TBK1: variants seen among roughly 807,000 people sequenced by gnomAD.
TBK1 encodes serine/threonine-protein kinase TBK1.
Under a neutral mutation model 99.9 loss-of-function variants are expected in TBK1, and 37 were observed. The ratio of observed to expected loss-of-function variants is 0.37; its 90% CI spans 0.28 to 0.49. TBK1 has a LOEUF of 0.49. Among genes scored for constraint, TBK1 ranks in the 20% least tolerant of loss-of-function variants. The pLI is 0.98. For synonymous variants in TBK1, 258 were observed against 279.8 expected (o/e 0.92, Z 0.78); for missense variants, 644 against 872.5 (o/e 0.74, Z 3.30).
At chr12:64,465,242 C>CAAAAAAAAAAAAAAAAAAAAAA (rs57575805) in intron 4 of TBK1, among the ~76,000 whole-genome samples, 2 of 57,920 alleles carry the variant, frequency 3.5e-5, no homozygotes, top group Non-Finnish European at 5.8e-5. Flanking sequence ...AAGACTATCT[C>CAAAAAAAAAAAAAAAAAAAAAA]AAAAAAAAAA....
intron 4 of TBK1, among the ~76,000 whole-genome samples, 183 bp from the exon 5 acceptor site, chr12:64,466,718 T>G (rs2136063265): frequency 6.6e-6 from 1 of 151,198 alleles, no homozygotes; most frequent in South Asian, 2.1e-4. Flanking sequence ...AAACTTCTTA[T>G]AACTAAAACA....
In TBK1 at chr12:64,464,333, GACA is replaced by G. The variant is rs748007618; in HGVS notation, c.236_238del (p.Thr79del). 5 of 1,519,528 alleles carry G rather than the reference GACA, an allele frequency of 3.3e-6. No individual in the cohort carries two copies. The highest frequency in any genetic ancestry group is 3.5e-6 in the Non-Finnish European group (4 of 1,134,936). The allele number at this position is 1,519,528 out of a possible 1,614,324, so 94.1% of individuals were successfully genotyped here. On this transcript the variant is annotated inframe_deletion and splice_region_variant, in exon 4 of 21. Transcript: ENST00000331710. ...TCCCAATCAATGATTTTTTTTTTCA[GACA>G]ACAACAAGACATAAAGTACTTATTA...
intron 4 of TBK1, 76 bp downstream of exon 4, chr12:64,464,539 C>A: frequency 8.2e-7 from 1 of 1,214,208 alleles, no homozygotes; most frequent in Non-Finnish European, 1.1e-6. Context: ...ATCTTCCATT[C>A]AAAACTGAAG....
chr12:64,486,094 C>G lies in TBK1; in HGVS notation c.1340+77C>G. The G allele has an allele frequency of 3.1e-6, 3 of 983,098 alleles. No homozygotes were observed. In the South Asian group the frequency reaches 5.4e-5, roughly 18 times the overall value. The allele number at this position is 983,098 out of a possible 1,614,324, so 60.9% of individuals were successfully genotyped here. ...ATCATTGATATTTTCTCTCTTCAAA[C>G]TAGTTAGGTTAGGTGCTTGATTTTT... On this transcript the variant is annotated intron_variant, in intron 11 of 20. Transcript: ENST00000331710.
chr12:64,493,862 T>G (rs749156068), intron 13 of TBK1, among the ~76,000 whole-genome samples: 5 of 152,224 alleles, frequency 3.3e-5, no homozygotes, highest in Non-Finnish European at 7.3e-5. Context: ...TGACTGTTAC[T>G]CTACAAACAT....
intron 7 of TBK1, 90 bp from the exon 8 acceptor site, chr12:64,481,752 C>A: frequency 1.1e-6 from 1 of 927,726 alleles, no homozygotes; most frequent in Non-Finnish European, 1.5e-6. Flanking sequence ...AATGACAGTT[C>A]CTTTGATTTG....
At chr12:64,468,663 C>G (rs144287187) in intron 5 of TBK1, among the ~76,000 whole-genome samples, 1 of 152,134 alleles carries the variant, frequency 6.6e-6, no homozygotes, top group East Asian at 1.9e-4. Context: ...GGAAAAAAGA[C>G]AATTAACAAG....
intron 8 of TBK1, among the ~76,000 whole-genome samples, chr12:64,483,176 A>G (rs1038731023): frequency 5.3e-5 from 8 of 152,250 alleles, no homozygotes; most frequent in African/African-American, 1.7e-4. Context: ...AACACAAAAG[A>G]TAAATGCTTG....
Position 64,466,962 on chromosome 12 carries a change from TATC to T in TBK1, c.423_425del (p.Ile141del), listed in dbSNP as rs776103849. 6.2e-7 allele frequency: 1 copy of T among 1,612,858 alleles called. No individual in the cohort carries two copies. Among genetic ancestry groups the T allele is most frequent in the Admixed American group, 1.7e-5 (1 of 59,796 alleles). On this transcript the variant is annotated inframe_deletion, in exon 5 of 21. Transcript: ENST00000331710. ...TGCACCGTGATATCAAGCCAGGAAA[TATC>T]ATGCGTGTTATAGGGGAAGATGGAC...
At chr12:64,499,693 C>CTTTTT (rs56725684) in intron 20 of TBK1, among the ~76,000 whole-genome samples, 74 of 82,930 alleles carry the variant, frequency 8.9e-4, no homozygotes, top group Non-Finnish European at 1.1e-3. Context: ...TAAAGATGTG[C>CTTTTT]TTTTTTTTTT....
At chr12:64,476,150 CTTTTTTTTTTTTTTT>C (rs59104364) in intron 6 of TBK1, among the ~76,000 whole-genome samples, 1 of 51,820 alleles carries the variant, frequency 1.9e-5, no homozygotes, top group East Asian at 6.3e-4. Context: ...GCGTAGTCTT[CTTTTTTTTTTTTTTT>C]TTTTTTTTTT....
chr12:64,478,882 T>G (rs1357776947), intron 6 of TBK1, among the ~76,000 whole-genome samples: 1 of 152,222 alleles, frequency 6.6e-6, no homozygotes, highest in Non-Finnish European at 1.5e-5. Flanking sequence ...CTTGCTGCCC[T>G]AAAAATGGTT....
intron 5 of TBK1, among the ~76,000 whole-genome samples, chr12:64,471,106 T>C (rs2040657149): frequency 6.6e-6 from 1 of 152,172 alleles, no homozygotes; most frequent in Non-Finnish European, 1.5e-5. Context: ...ACAACCCATA[T>C]GTTAAATTCT....
At chr12:64,494,300 CAAAAAA>C (rs113315198) in intron 13 of TBK1, among the ~76,000 whole-genome samples, 57 of 134,402 alleles carry the variant, frequency 4.2e-4, no homozygotes, top group Admixed American at 1.0e-3. Context: ...CCAACTCTAC[CAAAAAA>C]AAAAAAAGAA....
At position 64,496,926 on chromosome 12, in the gene TBK1, CTCTGATTATT is replaced by C; in HGVS notation, c.1761-19_1761-10del. 1 of 1,551,858 alleles carries C rather than the reference CTCTGATTATT, an allele frequency of 6.4e-7. No individual in the cohort carries two copies. The highest frequency in any genetic ancestry group is 8.8e-7 in the Non-Finnish European group (1 of 1,130,764). ...TAGAAACAGTGACATTGGTTTAAGCCTCTGATTATTTCTAAATTACAGGCAAAAACTGTAT... is the reference window on the plus strand; with the variant it reads ...TAGAAACAGTGACATTGGTTTAAGCCTCTAAATTACAGGCAAAAACTGTAT... On this transcript the variant is annotated splice_polypyrimidine_tract_variant and intron_variant, in intron 16 of 20. Coordinates refer to ENST00000331710, the MANE Select transcript of TBK1 (RefSeq NM_013254.4).
At chr12:64,491,673 G>A (rs1205782525) in intron 13 of TBK1, among the ~76,000 whole-genome samples, 1 of 152,036 alleles carries the variant, frequency 6.6e-6, no homozygotes. Context: ...TTTAGTATTC[G>A]AAGTATTCTT....
chr12:64,493,037 A>G (rs1223855207), intron 13 of TBK1, among the ~76,000 whole-genome samples: 1 of 151,506 alleles, frequency 6.6e-6, no homozygotes, highest in African/African-American at 2.4e-5. Flanking sequence ...CTGGGACTAC[A>G]GGCTTCCACC....
intron 8 of TBK1, among the ~76,000 whole-genome samples, chr12:64,482,563 A>G (rs561813317): frequency 6.6e-6 from 1 of 152,242 alleles, no homozygotes; most frequent in Non-Finnish European, 1.5e-5. Flanking sequence ...ATAAAACTGC[A>G]TATAAAGTTT....
intron 2 of TBK1, among the ~76,000 whole-genome samples, chr12:64,457,419 A>C (rs1267996924): frequency 6.6e-6 from 1 of 152,194 alleles, no homozygotes. Flanking sequence ...CCAAGGAGAA[A>C]ATGACTAGTG....
Sources: allele counts gnomAD v4.1 joint callset (sites outside exome capture counted in the v4.1 genomes callset), GRCh38; gene constraint gnomAD v4.1.1; transcripts MANE v1.5; gene names NCBI Gene and HGNC (gene_info 2026-07-23, HGNC 2026-07-21).